Variants in GON4L observed in about 807,000 individuals in gnomAD.
GON4L encodes the protein gon-4 like.
GON4L carries 87 observed loss-of-function variants against 211.8 expected under a neutral mutation model. The observed-to-expected ratio is 0.41, with a 90% CI of 0.35 to 0.49. GON4L has a LOEUF of 0.49. Among genes scored for constraint, GON4L ranks in the 20% least tolerant of loss-of-function variants. The probability of loss-of-function intolerance (pLI) is 0.15; values close to 1 mark genes in which losing one functional copy is unlikely to be tolerated. For synonymous variants in GON4L, 875 were observed against 962.6 expected, an observed-to-expected ratio of 0.91 and a Z score of 1.68; for missense variants, 2,155 against 2,659.5, an observed-to-expected ratio of 0.81 and a Z score of 4.17.
At chr1:155,796,434 C>T (rs541045055) in intron 11 of GON4L, among the ~76,000 whole-genome samples, 20 of 151,984 alleles carry the variant, frequency 1.3e-4, no homozygotes, top group South Asian at 1.2e-3. Context: ...CCCACCACCA[C>T]GCCCGGCTAA....
intron 23 of GON4L, among the ~76,000 whole-genome samples, chr1:155,761,823 C>T (rs564968680): frequency 1.2e-4 from 19 of 152,188 alleles, no homozygotes; most frequent in Non-Finnish European, 2.5e-4. Flanking sequence ...AATGTATTTT[C>T]CTGAAATCCA....
At chr1:155,781,729 G>A (rs1483414736) in intron 14 of GON4L, among the ~76,000 whole-genome samples, 1 of 151,810 alleles carries the variant, frequency 6.6e-6, no homozygotes, top group Non-Finnish European at 1.5e-5. Flanking sequence ...CCAAAATGCT[G>A]GGATTACTGG....
chr1:155,835,058 T>C (rs773908672), intron 2 of GON4L, among the ~76,000 whole-genome samples: 1 of 152,058 alleles, frequency 6.6e-6, no homozygotes, highest in Non-Finnish European at 1.5e-5. Flanking sequence ...GGGGAAAAGA[T>C]TGAGAAATTG....
Position 155,766,116 on chromosome 1 carries a change from G to A in GON4L, c.3357C>T (p.Pro1119=), listed in dbSNP as rs62000993. 2.1e-3 allele frequency: 3,379 copies of A among 1,614,128 alleles called. 62 individuals carry two copies. The African/African-American group carries it at 0.041, about 20-fold the overall frequency. The change falls in exon 21 of 32, where the codon CCC becomes CCT. Residue 1119 remains proline (P), a synonymous_variant. Coordinates refer to ENST00000368331, the MANE Select transcript of GON4L (RefSeq NM_001282860.2). ...AGGCCTTGACTCCTCTTCTCTTTGA[G>A]GGTCTCCGTCTCACATATGGCTTTC... ...KFRKPYVRRR[P]SKRRGVKASP...
chr1:155,790,720 C>T (rs1481283545), intron 12 of GON4L, among the ~76,000 whole-genome samples: 4 of 151,404 alleles, frequency 2.6e-5, no homozygotes, highest in Non-Finnish European at 2.9e-5. Flanking sequence ...CCGAGGTGGG[C>T]GGATCACAAG....
chr1:155,798,765 G>A (rs1666343528), intron 11 of GON4L, among the ~76,000 whole-genome samples: 1 of 151,870 alleles, frequency 6.6e-6, no homozygotes, highest in Non-Finnish European at 1.5e-5. Flanking sequence ...AGTTCTGGAA[G>A]AGCCCATAAT....
chr1:155,825,975 G>A (rs960301617), intron 3 of GON4L, among the ~76,000 whole-genome samples: 12 of 152,034 alleles, frequency 7.9e-5, no homozygotes, highest in Non-Finnish European at 1.5e-4. Context: ...CCTGGGAGGC[G>A]GAGGTTGCAG....
intron 2 of GON4L, among the ~76,000 whole-genome samples, chr1:155,842,461 T>C (rs1383656245): frequency 2.1e-5 from 3 of 143,692 alleles, no homozygotes; most frequent in Non-Finnish European, 3.0e-5. Context: ...GAGGTGGAGG[T>C]TGCAGTGAGC....
intron 11 of GON4L, among the ~76,000 whole-genome samples, chr1:155,797,490 G>A (rs1227908516): frequency 2.0e-5 from 3 of 149,376 alleles, no homozygotes; most frequent in Non-Finnish European, 4.4e-5. Context: ...TTTCGCTCTT[G>A]TTGCCCAGAC....
intron 21 of GON4L, chr1:155,764,685 C>T: frequency 1.5e-6 from 1 of 659,608 alleles, no homozygotes; most frequent in Non-Finnish European, 2.6e-6. Flanking sequence ...GTGATCCACC[C>T]ACCTCAGCCT....
chr1:155,806,878 C>A (rs1487459396), intron 10 of GON4L, among the ~76,000 whole-genome samples: 1 of 152,018 alleles, frequency 6.6e-6, no homozygotes, highest in African/African-American at 2.4e-5. Context: ...CCAGGAAGAA[C>A]TGCTTGAAGC....
chr1:155,807,703 C>CAAAAAAAAAAAAAAAA (rs61248477), intron 10 of GON4L, among the ~76,000 whole-genome samples: 8 of 52,910 alleles, frequency 1.5e-4, no homozygotes, highest in Admixed American at 7.6e-4. Context: ...GACTCCGTCT[C>CAAAAAAAAAAAAAAAA]AAAAAAAAAA....
downstream of GON4L, among the ~76,000 whole-genome samples, chr1:155,745,678 G>C (rs1660230761): frequency 6.6e-6 from 1 of 152,202 alleles, no homozygotes. Flanking sequence ...AGGTAGGAAA[G>C]GATCGGCGCA....
intron 2 of GON4L, chr1:155,845,856 C>A: frequency 4.1e-6 from 1 of 244,782 alleles, no homozygotes; most frequent in Non-Finnish European, 8.3e-6. Flanking sequence ...GAAACTGCAG[C>A]AGAGGAAGCT....
chr1:155,789,085 GA>G (rs10634121), intron 12 of GON4L, among the ~76,000 whole-genome samples: 10,290 of 111,340 alleles, frequency 0.092, 1,236 homozygotes, highest in East Asian at 0.64. Flanking sequence ...CTCCGTCTCG[GA>G]AAAAAAAAAA....
At chr1:155,824,160 G>C (rs1300541158) in intron 3 of GON4L, among the ~76,000 whole-genome samples, 1 of 151,744 alleles carries the variant, frequency 6.6e-6, no homozygotes, top group Non-Finnish European at 1.5e-5. Flanking sequence ...GCAGTGGTTT[G>C]CACCTGTGAC....
At chr1:155,778,137 T>C (rs934341518) in intron 14 of GON4L, among the ~76,000 whole-genome samples, 8 of 152,208 alleles carry the variant, frequency 5.3e-5, no homozygotes, top group Middle Eastern at 3.2e-3. Flanking sequence ...GCCAAGGAGC[T>C]GGTGGGAACT....
At chr1:155,774,184 C>T (rs1245662429) in intron 17 of GON4L, among the ~76,000 whole-genome samples, 1 of 152,068 alleles carries the variant, frequency 6.6e-6, no homozygotes, top group Non-Finnish European at 1.5e-5. Context: ...TTGCAAATTT[C>T]TTTAAAATAC....
downstream of GON4L, chr1:155,748,597 CTCTT>C (rs1175127184): frequency 2.1e-5 from 34 of 1,613,028 alleles, no homozygotes; most frequent in Non-Finnish European, 2.8e-5. Context: ...TCTCTTCCTT[CTCTT>C]TAAGTGGTGA....
Sources: gnomAD v4.1 joint callset for allele counts (sites outside exome capture counted in the v4.1 genomes callset) on GRCh38, gnomAD v4.1.1 for gene constraint, MANE v1.5 for transcripts, NCBI Gene and HGNC (gene_info 2026-07-23, HGNC 2026-07-21) for gene names.